Variants in OTOF observed in about 807,000 individuals in gnomAD.
OTOF encodes fer-1-like family member 2.
In OTOF, 218 loss-of-function variants were observed where a neutral mutation model predicts 236.8. The observed-to-expected ratio is 0.92, with a 90% CI of 0.82 to 1.03. The LOEUF is 1.03. Among genes scored for constraint, OTOF ranks in the 50% least tolerant of loss-of-function variants. The pLI, the probability that OTOF is intolerant of heterozygous loss-of-function variation, is 0.00. For synonymous variants in OTOF, 1,041 were observed against 1,072.5 expected, an observed-to-expected ratio of 0.97 and a Z score of 0.57; for missense variants, 2,590 against 2,694.4, an observed-to-expected ratio of 0.96 and a Z score of 0.86.
rs1005011367 is a variant in OTOF at position 26,554,125 on chromosome 2, C to T, written c.79+4368G>A. 6.2e-5 allele frequency among the ~76,000 whole-genome samples: 9 copies of T among 144,846 alleles called. No individual in the cohort carries two copies. The South Asian group carries it at 1.1e-3, about 18-fold the overall frequency. On this transcript the variant is annotated intron_variant, in intron 1 of 46. Coordinates refer to ENST00000272371, the MANE Select transcript of OTOF (RefSeq NM_194248.3). ...GCTGGAGGTTGCAGTGAGCCGAGAT[C>T]GCACTGCACTGCACTCCAGCCTGGC...
At chr2:26,518,891 G>A in intron 4 of OTOF, 119 bp downstream of exon 4, 1 of 763,778 alleles carries the variant, frequency 1.3e-6, no homozygotes. Context: ...TCCTCCTCCT[G>A]CGACACCTCG....
At chr2:26,552,471 A>G (rs1252171721) in intron 1 of OTOF, among the ~76,000 whole-genome samples, 1 of 152,208 alleles carries the variant, frequency 6.6e-6, no homozygotes, top group East Asian at 1.9e-4. Flanking sequence ...AGACTTCCCA[A>G]TTCAGAGAAA....
At chr2:26,492,872 A>T (rs1665882892) in intron 9 of OTOF, among the ~76,000 whole-genome samples, 1 of 152,128 alleles carries the variant, frequency 6.6e-6, no homozygotes, top group Admixed American at 6.5e-5. Context: ...GGTGAGTAGG[A>T]GTTTTCTGGG....
chr2:26,462,223 G>A lies in OTOF; in HGVS notation c.5193-42C>T, dbSNP rs201123104. 1 of 1,564,188 alleles carries A rather than the reference G, an allele frequency of 6.4e-7. No homozygotes were observed. The highest frequency in any genetic ancestry group is 2.2e-5 in the East Asian group (1 of 44,630). Reference sequence around the variant, plus strand: ...AAGGCTGGTTAGCAGCCCCAGGTGGGGGTTATGCCAGGGTGCCAGGGCTGG... The same window carrying A: ...AAGGCTGGTTAGCAGCCCCAGGTGGAGGTTATGCCAGGGTGCCAGGGCTGG... On this transcript the variant is annotated intron_variant, in intron 41 of 46. Coordinates refer to ENST00000272371, the MANE Select transcript of OTOF (RefSeq NM_194248.3). This position sits in a 1 kb window ranked among gnomAD's most constrained non-coding sequence, Gnocchi z 4.7.
At chr2:26,537,505 C>A (rs185228627) in intron 2 of OTOF, among the ~76,000 whole-genome samples, 30 of 152,340 alleles carry the variant, frequency 2.0e-4, no homozygotes, top group African/African-American at 7.0e-4. Flanking sequence ...ACGGGCCTCA[C>A]CTGTGCAGAG....
rs1268581043 is a variant in OTOF at position 26,457,485 on chromosome 2, C to A, written c.*753G>T. 3.9e-5 allele frequency: 6 copies of A among 152,790 alleles called. No homozygotes were observed. Among genetic ancestry groups the A allele is most frequent in the Admixed American group, 2.6e-4 (4 of 15,324 alleles). 9.5% of individuals were successfully genotyped at this position (152,790 alleles called of 1,614,324 possible). A position where few individuals can be genotyped will look rare whatever the true frequency, so the allele number is the denominator to read the frequency against. ...GGAAACCCACAGGCAGGACAGGCGA[C>A]CCCCTGGGAAGTGAGAGGAGCCAAG... On this transcript the variant is annotated 3_prime_UTR_variant, in exon 47 of 47. Coordinates refer to ENST00000272371, the MANE Select transcript of OTOF (RefSeq NM_194248.3). The surrounding 1 kb of genome is among the most constrained non-coding windows in gnomAD (Gnocchi z 4.4).
chr2:26,548,402 G>A (rs1667384037), intron 1 of OTOF, among the ~76,000 whole-genome samples: 1 of 151,962 alleles, frequency 6.6e-6, no homozygotes, highest in Admixed American at 6.5e-5. Flanking sequence ...TCCCAAGGTT[G>A]TACACCCATC....
intron 1 of OTOF, among the ~76,000 whole-genome samples, chr2:26,540,665 C>T (rs1390368341): frequency 6.6e-6 from 1 of 150,384 alleles, no homozygotes; most frequent in Non-Finnish European, 1.5e-5. Flanking sequence ...GTGGCGGGGT[C>T]GTTGATGTCA....
rs1446294399 is a variant in OTOF at position 26,467,140 on chromosome 2, C to G, written c.4321G>C (p.Asp1441His). 1 of 1,613,872 alleles carries G rather than the reference C, an allele frequency of 6.2e-7. No homozygotes were observed. Among genetic ancestry groups the G allele is most frequent in the African/African-American group, 1.3e-5 (1 of 74,872 alleles). The change falls in exon 35 of 47, where the codon GAT becomes CAT. Residue 1441 changes from aspartate to histidine, a missense_variant. Transcript: ENST00000272371. ...ATGCGCTCCTCCTCGGTGGAGCCAT[C>G]CTCATCATCCCCGGTCTTGCCCCGA... Reference protein sequence around the residue: ...LLRGKTGDDEDGSTEEERIVG... With the variant: ...LLRGKTGDDEHGSTEEERIVG...
intron 4 of OTOF, among the ~76,000 whole-genome samples, chr2:26,517,333 G>A (rs1178528322): frequency 6.6e-5 from 10 of 152,114 alleles, no homozygotes; most frequent in Admixed American, 1.3e-4. Context: ...CCAGACAGGC[G>A]GCCCTCACTC....
rs1184886748 is a variant in OTOF, at chr2:26,474,519, C to T, written c.3282G>A (p.Leu1094=). The change falls in exon 26 of 47, where the codon CTG becomes CTA. Residue 1094 remains leucine (L), a synonymous_variant. Transcript: ENST00000272371. ...TAGDLLAAFE[L]LQIGPAGKAD... is the part of the protein sequence containing the mutation. ...CTCTTCCCTGCAGTCCCACCTGCAG[C>T]AGCTCGAAGGCCGCCAGCAGGTCTC... 8 of 1,605,172 alleles carry T rather than the reference C, an allele frequency of 5.0e-6. No individual in the cohort carries two copies. Among genetic ancestry groups the T allele is most frequent in the African/African-American group, 1.3e-5 (1 of 74,750 alleles).
At chr2:26,492,507 A>G (rs1259832856) in intron 9 of OTOF, among the ~76,000 whole-genome samples, 1 of 152,218 alleles carries the variant, frequency 6.6e-6, no homozygotes, top group Non-Finnish European at 1.5e-5. Flanking sequence ...ATTTAGAAAG[A>G]TTCTAGGCTG....
chr2:26,489,933 C>T (rs1665799834), intron 9 of OTOF, among the ~76,000 whole-genome samples, 193 bp from the exon 10 acceptor site: 1 of 152,184 alleles, frequency 6.6e-6, no homozygotes, highest in African/African-American at 2.4e-5. Flanking sequence ...GGAAGCAGAG[C>T]CCCATCCCCT....
intron 5 of OTOF, among the ~76,000 whole-genome samples, chr2:26,508,973 T>C (rs1303188555): frequency 6.6e-6 from 1 of 152,208 alleles, no homozygotes; most frequent in African/African-American, 2.4e-5. Context: ...TAATTAGAGA[T>C]GGTAAGAAAT....
At position 26,464,082 on chromosome 2, in the gene OTOF, T is replaced by C. The variant is rs376196825; in HGVS notation, c.4985A>G (p.His1662Arg). The C allele has an allele frequency of 3.1e-6, 5 of 1,613,518 alleles. No homozygotes were observed. In the African/African-American group the frequency reaches 5.3e-5, roughly 17 times the overall value. ...GTGCCTCAGGGCCAACAGCGCCACA[T>C]GCTCGTCTGTGGGCTTCCTCTGACC... ...ENGQRKPTDE[H>R]VALLALRHWE... Residue 1662 changes from histidine to arginine, a missense_variant, in exon 40 of 47, where the codon CAT becomes CGT. By Grantham distance (29) the His-to-Arg change is conservative. Transcript: ENST00000272371.
At chr2:26,555,213 A>T (rs1022769363) in intron 1 of OTOF, among the ~76,000 whole-genome samples, 1 of 152,114 alleles carries the variant, frequency 6.6e-6, no homozygotes, top group Non-Finnish European at 1.5e-5. Flanking sequence ...TAGATAGCCC[A>T]CTCTTGATTA....
At chr2:26,539,510 C>T (rs181665810) in intron 1 of OTOF, among the ~76,000 whole-genome samples, 5,424 of 152,178 alleles carry the variant, frequency 0.036, 124 homozygotes, top group Middle Eastern at 0.051. Flanking sequence ...CCGAGGCGGG[C>T]GGATCACCTG....
intron 2 of OTOF, among the ~76,000 whole-genome samples, chr2:26,533,566 C>T (rs1043437176): frequency 6.6e-6 from 1 of 152,164 alleles, no homozygotes; most frequent in African/African-American, 2.4e-5. Context: ...CCTGTTTCTT[C>T]AACTGCAAGA....
At chr2:26,521,317 T>G (rs1054787505) in intron 3 of OTOF, among the ~76,000 whole-genome samples, 2 of 152,214 alleles carry the variant, frequency 1.3e-5, no homozygotes, top group African/African-American at 2.4e-5. Context: ...CAGAATTAGA[T>G]GCCTAAGAAC....
Sources: allele counts gnomAD v4.1 joint callset (sites outside exome capture counted in the v4.1 genomes callset), GRCh38; gene constraint gnomAD v4.1.1; non-coding constraint Gnocchi (gnomAD v3.1); transcripts MANE v1.5; gene names NCBI Gene and HGNC (gene_info 2026-07-23, HGNC 2026-07-21).